PHACTR3: variants seen among roughly 807,000 people sequenced by gnomAD.
PHACTR3 encodes phosphatase and actin regulator 3, also known as protein phosphatase 1, regulatory subunit 123.
A neutral mutation model predicts 66.8 loss-of-function variants in PHACTR3; 16 were observed. The ratio of observed to expected loss-of-function variants is 0.24; its 90% CI spans 0.16 to 0.36. The LOEUF (loss-of-function observed/expected upper bound fraction) is 0.36. Among genes scored for constraint, PHACTR3 ranks in the 10% least tolerant of loss-of-function variants. The pLI, the probability that PHACTR3 is intolerant of heterozygous loss-of-function variation, is 1.00. For missense variants in PHACTR3, 647 were observed against 719.9 expected (o/e 0.90, Z 1.16); for synonymous variants, 323 against 292.1 (o/e 1.11, Z -1.08).
rs999674229 is a variant in PHACTR3 at position 59,820,033 on chromosome 20, G to A, written c.1328+13839G>A. Among the ~76,000 whole-genome samples, 2 of 152,152 alleles carry A rather than the reference G, an allele frequency of 1.3e-5. No individual in the cohort carries two copies. Among genetic ancestry groups the A allele is most frequent in the Middle Eastern group, 3.2e-3 (1 of 316 alleles). ...ACTTTCCCAGCCCTCCAGGGGGACC[G>A]TTGCTGGGGCTTCCGGTCTCTCTTT... On this transcript the variant is annotated intron_variant, in intron 8 of 12. Transcript: ENST00000371015. The surrounding 1 kb of genome is among the most constrained non-coding windows in gnomAD (Gnocchi z 4.6).
intron 7 of PHACTR3, among the ~76,000 whole-genome samples, chr20:59,780,007 C>T (rs2040669886): frequency 2.6e-5 from 4 of 152,238 alleles, no homozygotes; most frequent in Admixed American, 6.5e-5. Flanking sequence ...ACCCAAGAGT[C>T]ATGACCACAC....
intron 1 of PHACTR3, among the ~76,000 whole-genome samples, chr20:59,733,212 T>G (rs2038832852): frequency 6.6e-6 from 1 of 152,142 alleles, no homozygotes; most frequent in South Asian, 2.1e-4. Context: ...ACCCTTGTTT[T>G]GTTTTTATTG....
At chr20:59,730,653 T>A (rs1159912476) in intron 1 of PHACTR3, among the ~76,000 whole-genome samples, 3 of 152,184 alleles carry the variant, frequency 2.0e-5, no homozygotes, top group Non-Finnish European at 4.4e-5. Context: ...CTCTCCCTTT[T>A]TCTTCTTGGG....
chr20:59,691,722 CAGAATTTT>C (rs2037114994), intron 1 of PHACTR3, among the ~76,000 whole-genome samples: 1 of 152,104 alleles, frequency 6.6e-6, no homozygotes, highest in African/African-American at 2.4e-5. Context: ...GTAAGAATTA[CAGAATTTT>C]AATCCTGGAA....
At chr20:59,633,962 T>C (rs1425548736) in intron 1 of PHACTR3, among the ~76,000 whole-genome samples, 1 of 152,188 alleles carries the variant, frequency 6.6e-6, no homozygotes, top group Non-Finnish European at 1.5e-5. Context: ...CCAAAGAATA[T>C]TTTCTCCCAA....
intron 1 of PHACTR3, chr20:59,628,746 A>T: frequency 1.0e-6 from 1 of 985,530 alleles, no homozygotes. Context: ...AGAAGGATGG[A>T]TTTGTGGGAC....
At chr20:59,814,133 T>C (rs774545637) in intron 8 of PHACTR3, among the ~76,000 whole-genome samples, 5 of 152,018 alleles carry the variant, frequency 3.3e-5, no homozygotes, top group Non-Finnish European at 7.4e-5. Context: ...CAGGGCTCCC[T>C]GGGGGTCAGG....
At chr20:59,602,454 AAGAG>A (rs368428946), upstream of PHACTR3, among the ~76,000 whole-genome samples, 13 of 151,428 alleles carry the variant, frequency 8.6e-5, no homozygotes, top group East Asian at 3.9e-4. Flanking sequence ...AAAAAAAAAA[AAGAG>A]AGAGAGAGAG....
At chr20:59,792,996 A>G (rs1197198328) in intron 7 of PHACTR3, among the ~76,000 whole-genome samples, 2 of 152,134 alleles carry the variant, frequency 1.3e-5, no homozygotes, top group Non-Finnish European at 2.9e-5. Context: ...GTGATCCTCA[A>G]ACATTGGCTT....
In PHACTR3 at chr20:59,789,658, A is replaced by G. The variant is rs533098906; in HGVS notation, c.1174+15168A>G. ...AGCAGAGAAACAGAAACAAAAAGAAAACCAAATGGAAGTTCTAGAATTAAA... is the reference window on the plus strand; with the variant it reads ...AGCAGAGAAACAGAAACAAAAAGAAGACCAAATGGAAGTTCTAGAATTAAA... On this transcript the variant is annotated intron_variant, in intron 7 of 12. Transcript: ENST00000371015. Among the ~76,000 whole-genome samples the G allele has an allele frequency of 2.6e-5, 4 of 152,364 alleles. No individual in the cohort carries two copies. The East Asian group carries it at 7.7e-4, about 29-fold the overall frequency.
At chr20:59,832,866 T>C (rs1266996039) in intron 8 of PHACTR3, among the ~76,000 whole-genome samples, 2 of 152,220 alleles carry the variant, frequency 1.3e-5, no homozygotes, top group Non-Finnish European at 2.9e-5. Flanking sequence ...AAGCCATTCA[T>C]GTGCAGATTA....
intron 1 of PHACTR3, among the ~76,000 whole-genome samples, chr20:59,740,665 C>T (rs1239447663): frequency 4.7e-5 from 7 of 150,306 alleles, no homozygotes; most frequent in Non-Finnish European, 7.4e-5. Context: ...ATCATGGCAT[C>T]TTTTTTTTTT....
At chr20:59,819,800 C>T (rs909989291) in intron 8 of PHACTR3, among the ~76,000 whole-genome samples, 8 of 151,728 alleles carry the variant, frequency 5.3e-5, no homozygotes, top group Admixed American at 2.0e-4. Context: ...CTGGCTGGGC[C>T]GGTGCTGTCC....
In PHACTR3 at chr20:59,764,713, A is replaced by G. The variant is rs909597706; in HGVS notation, c.542-2473A>G. ...TGTGCTGGGTGACCAGTACCCTGAG[A>G]GCGTAACCCATTCACAAAGAAGCGT... On this transcript the variant is annotated intron_variant, in intron 4 of 12. Transcript: ENST00000371015. Among the ~76,000 whole-genome samples the G allele has an allele frequency of 2.8e-4, 43 of 152,226 alleles. 1 individual carries two copies. The highest frequency in any genetic ancestry group is 1.0e-3 in the African/African-American group (43 of 41,458).
rs1568864538 is a variant in PHACTR3 at position 59,830,180 on chromosome 20, C to CTGATAGAAGAGGGTATGA, written c.1329-6325_1329-6324insTGATAGAAGAGGGTATGA. On this transcript the variant is annotated intron_variant, in intron 8 of 12. Coordinates refer to ENST00000371015, the MANE Select transcript of PHACTR3 (RefSeq NM_080672.5). The surrounding 1 kb of genome is among the most constrained non-coding windows in gnomAD (Gnocchi z 5.8). ...TGCGTGTCTGGTGGAAGAGGGTGTG[C>CTGATAGAAGAGGGTATGA]GTGTCTGATGGAAGAGGGTATGAGT... Among the ~76,000 whole-genome samples the CTGATAGAAGAGGGTATGA allele has an allele frequency of 4.8e-5, 7 of 145,680 alleles. No homozygotes were observed. In the South Asian group the frequency reaches 1.3e-3, roughly 27 times the overall value.
At chr20:59,677,781 G>A (rs1048248689) in intron 1 of PHACTR3, among the ~76,000 whole-genome samples, 1 of 152,200 alleles carries the variant, frequency 6.6e-6, no homozygotes, top group Admixed American at 6.5e-5. Context: ...ACGGAATTAT[G>A]TGCGTGTATA....
At chr20:59,665,974 C>T (rs952705751) in intron 1 of PHACTR3, among the ~76,000 whole-genome samples, 7 of 152,140 alleles carry the variant, frequency 4.6e-5, no homozygotes, top group Non-Finnish European at 8.8e-5. Flanking sequence ...AAGCCAGCTG[C>T]TGGGCACTAG....
intron 1 of PHACTR3, among the ~76,000 whole-genome samples, chr20:59,661,590 C>T (rs930675189): frequency 2.0e-5 from 3 of 152,168 alleles, no homozygotes; most frequent in African/African-American, 7.2e-5. Context: ...CCCCATGGCA[C>T]AATGTGTACC....
intron 1 of PHACTR3, among the ~76,000 whole-genome samples, chr20:59,731,581 C>T (rs552528257): frequency 8.5e-5 from 13 of 152,312 alleles, no homozygotes; most frequent in Admixed American, 6.5e-4. Context: ...CTGGCAGGCA[C>T]CAGCGACCAT....
Sources: gnomAD v4.1 joint callset for allele counts (sites outside exome capture counted in the v4.1 genomes callset) on GRCh38, gnomAD v4.1.1 for gene constraint, Gnocchi (gnomAD v3.1) non-coding constraint, MANE v1.5 for transcripts, NCBI Gene and HGNC (gene_info 2026-07-23, HGNC 2026-07-21) for gene names.